The following TBCK variants were observed in gnomAD, a reference collection of about 807,000 sequenced individuals.
The protein encoded by TBCK is TBC1 domain containing kinase.
A neutral mutation model predicts 113.4 loss-of-function variants in TBCK; 99 were observed. That is an observed-to-expected ratio of 0.87 (90% confidence interval 0.74 to 1.03). The LOEUF is 1.03. Among genes scored for constraint, TBCK ranks in the 50% least tolerant of loss-of-function variants. The pLI is 0.00. For missense variants in TBCK, 1,045 were observed against 1,061.3 expected (o/e 0.98, Z 0.21); for synonymous variants, 369 against 370.8 (o/e 1.00, Z 0.05).
chr4:106,095,392 C>G, intron 25 of TBCK, 90 bp downstream of exon 25: 1 of 1,245,402 alleles, frequency 8.0e-7, no homozygotes, highest in Non-Finnish European at 1.1e-6. Context: ...GTGACCAACT[C>G]CTGAAGAAAT....
At chr4:106,184,597 T>TTA (rs1185950453) in intron 22 of TBCK, among the ~76,000 whole-genome samples, 1 of 151,956 alleles carries the variant, frequency 6.6e-6, no homozygotes, top group Non-Finnish European at 1.5e-5. Context: ...TACATGTGTT[T>TTA]TATATATATA....
intron 22 of TBCK, among the ~76,000 whole-genome samples, chr4:106,172,083 C>T (rs573409054): frequency 3.9e-5 from 6 of 152,060 alleles, no homozygotes; most frequent in African/African-American, 1.2e-4. Flanking sequence ...CCACCTGCCT[C>T]GGCCTCCCAA....
intron 3 of TBCK, among the ~76,000 whole-genome samples, chr4:106,288,493 T>C (rs991459351): frequency 1.8e-4 from 28 of 152,354 alleles, no homozygotes; most frequent in African/African-American, 6.7e-4. Flanking sequence ...ACATACACCA[T>C]ATAGGTAATA....
At chr4:106,303,449 G>C (rs1458059545) in intron 2 of TBCK, among the ~76,000 whole-genome samples, 2 of 151,986 alleles carry the variant, frequency 1.3e-5, no homozygotes, top group African/African-American at 2.4e-5. Context: ...AATTTTATAT[G>C]TAATTTGAAG....
At chr4:106,276,442 T>A (rs1764033428) in intron 3 of TBCK, among the ~76,000 whole-genome samples, 1 of 152,194 alleles carries the variant, frequency 6.6e-6, no homozygotes, top group Admixed American at 6.5e-5. Flanking sequence ...CTGGGTGCAG[T>A]AGCACACACT....
In TBCK at chr4:106,208,272, T is replaced by C. The variant is rs539147031; in HGVS notation, c.1860+4478A>G. Among the ~76,000 whole-genome samples, 7 of 152,290 alleles carry C rather than the reference T, an allele frequency of 4.6e-5. No individual in the cohort carries two copies. The East Asian group carries it at 1.4e-3, about 29-fold the overall frequency. On this transcript the variant is annotated intron_variant, in intron 20 of 25. Transcript: ENST00000394708. Reference sequence around the variant, plus strand: ...AAAACCAAGATACAGGTCTCATACATATCTACAGAATGTATTGAGAACCTC... The same window carrying C: ...AAAACCAAGATACAGGTCTCATACACATCTACAGAATGTATTGAGAACCTC...
rs905636692 is a variant in TBCK, at chr4:106,066,351, T to TA, written c.2572-19672dup. Among the ~76,000 whole-genome samples the TA allele has an allele frequency of 2.5e-4, 38 of 151,062 alleles. No individual in the cohort carries two copies. In the South Asian group the frequency reaches 3.6e-3, roughly 14 times the overall value. On this transcript the variant is annotated intron_variant, in intron 25 of 25. Transcript: ENST00000394708. ...AGCTGTTAGTTTCCGAAGATTCACT[T>TA]AAAAAAAAACCCAAAATACCTTCAG...
intron 19 of TBCK, among the ~76,000 whole-genome samples, chr4:106,229,795 T>G (rs145469708): frequency 6.6e-6 from 1 of 151,872 alleles, no homozygotes; most frequent in Non-Finnish European, 1.5e-5. Context: ...TTAACTTCTA[T>G]TCTATTACTT....
At chr4:106,212,958 GATA>G (rs1756341128) in intron 19 of TBCK, 123 bp from the exon 20 acceptor site, 3 of 638,864 alleles carry the variant, frequency 4.7e-6, no homozygotes, top group African/African-American at 1.9e-5. Context: ...TACTTTACGT[GATA>G]ATTTTGTTTT....
At chr4:106,069,028 T>C (rs1242490912) in intron 25 of TBCK, among the ~76,000 whole-genome samples, 5 of 152,232 alleles carry the variant, frequency 3.3e-5, no homozygotes, top group Non-Finnish European at 7.3e-5. Context: ...AAGTTCTTTA[T>C]AGATTCCGGA....
intron 23 of TBCK, among the ~76,000 whole-genome samples, chr4:106,122,560 G>C (rs918706188): frequency 6.6e-6 from 1 of 152,210 alleles, no homozygotes; most frequent in Non-Finnish European, 1.5e-5. Context: ...AAGCCTGGCA[G>C]AGACACAGCA....
intron 11 of TBCK, among the ~76,000 whole-genome samples, chr4:106,244,320 T>C (rs906263468): frequency 6.6e-6 from 1 of 152,156 alleles, no homozygotes; most frequent in Non-Finnish European, 1.5e-5. Flanking sequence ...GTGACTTGTG[T>C]ATTTTTCATT....
intron 12 of TBCK, among the ~76,000 whole-genome samples, chr4:106,241,705 C>T (rs1215272515): frequency 2.6e-5 from 4 of 151,710 alleles, no homozygotes; most frequent in Middle Eastern, 6.9e-3. Context: ...GGATACCTTC[C>T]TTACAACTTA....
intron 23 of TBCK, among the ~76,000 whole-genome samples, chr4:106,130,093 C>A (rs745575340): frequency 1.3e-5 from 2 of 152,028 alleles, no homozygotes; most frequent in Admixed American, 6.6e-5. Context: ...GCTTTCATTT[C>A]CCCCCAAAGT....
At chr4:106,235,418 T>A in intron 14 of TBCK, 51 bp from the exon 15 acceptor site, 5 of 1,293,004 alleles carry the variant, frequency 3.9e-6, no homozygotes, top group Non-Finnish European at 5.4e-6. Context: ...TAGTGCCATC[T>A]TTTAGTCTAG....
At chr4:106,315,230 GC>G in intron 1 of TBCK, among the ~76,000 whole-genome samples, 1 of 152,204 alleles carries the variant, frequency 6.6e-6, no homozygotes, top group East Asian at 1.9e-4. Flanking sequence ...ATATTTTGAA[GC>G]CCCTATTTTA....
intron 24 of TBCK, among the ~76,000 whole-genome samples, chr4:106,115,610 A>T (rs1215587566): frequency 6.6e-6 from 1 of 152,200 alleles, no homozygotes; most frequent in African/African-American, 2.4e-5. Context: ...AAAATACACA[A>T]TCAAAGAATC....
chr4:106,308,390 G>C (rs547285069), intron 2 of TBCK, among the ~76,000 whole-genome samples: 45 of 152,262 alleles, frequency 3.0e-4, no homozygotes, highest in African/African-American at 9.1e-4. Context: ...TAATCCATGA[G>C]AGAAAATTGC....
At chr4:106,234,037 G>A (rs62318080) in intron 15 of TBCK, among the ~76,000 whole-genome samples, 11,659 of 151,984 alleles carry the variant, frequency 0.077, 510 homozygotes, top group Middle Eastern at 0.18. Context: ...GGTCATTTAC[G>A]CTTTTCAGTT....
Sources: gnomAD v4.1 joint callset for allele counts (sites outside exome capture counted in the v4.1 genomes callset) on GRCh38, gnomAD v4.1.1 for gene constraint, MANE v1.5 for transcripts, NCBI Gene and HGNC (gene_info 2026-07-23, HGNC 2026-07-21) for gene names.